ADAM20: variants seen among roughly 807,000 people sequenced by gnomAD.
The protein encoded by ADAM20 is disintegrin and metalloproteinase domain-containing protein 20.
For missense variants in ADAM20, 871 were observed against 883.2 expected, an observed-to-expected ratio of 0.99 and a Z score of 0.18; for synonymous variants, 305 against 310.2, an observed-to-expected ratio of 0.98 and a Z score of 0.18.
At chr14:70,537,513 C>T (rs540838531), upstream of ADAM20, among the ~76,000 whole-genome samples, 25 of 152,284 alleles carry the variant, frequency 1.6e-4, no homozygotes, top group African/African-American at 4.3e-4. Context: ...GGTCTGCTGT[C>T]CCAGTCCTTG....
the ADAM20 span, among the ~76,000 whole-genome samples, chr14:70,553,525 TAAAAAA>T: frequency 1.8e-5 from 1 of 56,982 alleles, no homozygotes; most frequent in African/African-American, 7.2e-5. Flanking sequence ...GCAAAAATCC[TAAAAAA>T]AAAAAAAAAA....
At chr14:70,568,767 A>G in the ADAM20 span, among the ~76,000 whole-genome samples, 16 of 152,308 alleles carry the variant, frequency 1.1e-4, no homozygotes, top group South Asian at 3.3e-3. Context: ...ACAAAGCAGA[A>G]GAAAGAATTT....
the ADAM20 span, among the ~76,000 whole-genome samples, chr14:70,554,525 GAC>G: frequency 2.6e-5 from 4 of 151,314 alleles, no homozygotes; most frequent in East Asian, 1.9e-4. Flanking sequence ...AATTGTGATA[GAC>G]ACACACACAC....
chr14:70,574,407 G>A, the ADAM20 span, among the ~76,000 whole-genome samples: 21 of 151,880 alleles, frequency 1.4e-4, no homozygotes, highest in African/African-American at 3.9e-4. Context: ...TTGGGAGGCC[G>A]AGGTGGGCAG....
the ADAM20 span, among the ~76,000 whole-genome samples, chr14:70,540,294 T>C: frequency 6.6e-6 from 1 of 152,210 alleles, no homozygotes; most frequent in Non-Finnish European, 1.5e-5. Flanking sequence ...TGTGGCTATA[T>C]ATGTGTTATG....
chr14:70,555,805 T>C, the ADAM20 span, among the ~76,000 whole-genome samples: 1 of 152,108 alleles, frequency 6.6e-6, no homozygotes, highest in Non-Finnish European at 1.5e-5. Flanking sequence ...CCCTCTTACT[T>C]CTCCCTTTCA....
chr14:70,573,132 T>G, the ADAM20 span, among the ~76,000 whole-genome samples: 1 of 152,176 alleles, frequency 6.6e-6, no homozygotes, highest in African/African-American at 2.4e-5. Flanking sequence ...TCATGTGCAC[T>G]TGTATGTTTA....
At chr14:70,545,329 C>T in the ADAM20 span, among the ~76,000 whole-genome samples, 7 of 152,262 alleles carry the variant, frequency 4.6e-5, no homozygotes, top group South Asian at 2.1e-4. Flanking sequence ...AGAGAATCTG[C>T]GCACTTGGGA....
intron 1 of ADAM20, among the ~76,000 whole-genome samples, chr14:70,532,256 AT>A (rs1241909483): frequency 6.6e-6 from 1 of 151,522 alleles, no homozygotes; most frequent in East Asian, 1.9e-4. Context: ...CATAAGCAGT[AT>A]TGGAAAAACT....
chr14:70,578,183 CA>C, the ADAM20 span, among the ~76,000 whole-genome samples: 5 of 151,508 alleles, frequency 3.3e-5, no homozygotes, highest in African/African-American at 1.2e-4. Flanking sequence ...TCAAAACCAC[CA>C]AAAAAAATCA....
chr14:70,564,768 C>A, the ADAM20 span, among the ~76,000 whole-genome samples: 1 of 125,736 alleles, frequency 8.0e-6, no homozygotes, highest in African/African-American at 3.1e-5. Context: ...TTTTTTTAGC[C>A]AGGCACAGTG....
At chr14:70,540,528 C>A in the ADAM20 span, among the ~76,000 whole-genome samples, 5 of 152,116 alleles carry the variant, frequency 3.3e-5, no homozygotes, top group African/African-American at 1.2e-4. Context: ...CTTATCTCTG[C>A]CAAATACTAT....
the ADAM20 span, among the ~76,000 whole-genome samples, chr14:70,553,970 C>A: frequency 1.1e-4 from 17 of 152,206 alleles, no homozygotes; most frequent in African/African-American, 3.6e-4. Context: ...AAAGGGCATC[C>A]AAACTGGAAA....
At chr14:70,559,289 A>C in the ADAM20 span, among the ~76,000 whole-genome samples, 15 of 150,136 alleles carry the variant, frequency 1.0e-4, no homozygotes, top group African/African-American at 3.7e-4. Flanking sequence ...AAAAAAAAAA[A>C]AGCTTACAGT....
the ADAM20 span, among the ~76,000 whole-genome samples, chr14:70,574,720 G>A: frequency 8.8e-4 from 133 of 151,954 alleles, no homozygotes; most frequent in African/African-American, 2.9e-3. Flanking sequence ...AGAGAAAAAC[G>A]AAGCCTGGTG....
the ADAM20 span, among the ~76,000 whole-genome samples, chr14:70,566,706 G>A: frequency 4.6e-5 from 7 of 152,180 alleles, no homozygotes; most frequent in Non-Finnish European, 5.9e-5. Context: ...GAGGCCGGGC[G>A]CGGTGGCTCA....
Position 70,523,434 on chromosome 14 carries a change from G to T in ADAM20, c.1324C>A (p.His442Asn), listed in dbSNP as rs769991681. The T allele has an allele frequency of 1.2e-6, 2 of 1,614,058 alleles. No homozygotes were observed. Among genetic ancestry groups the T allele is most frequent in the East Asian group, 4.5e-5 (2 of 44,884 alleles). ...DPCCLLNCTL[H>N]PGAACAFGIC... ...CCAAAAGCACAAGCAGCCCCAGGAT[G>T]TAGAGTACAGTTTAACAGACAACAG... Residue 442 changes from histidine to asparagine, a missense_variant, in exon 2 of 2, where the codon CAT becomes AAT. His to Asn is a moderately conservative substitution (Grantham distance 68). Transcript: ENST00000256389.
At position 70,524,522 on chromosome 14, in the gene ADAM20, T is replaced by G; in HGVS notation, c.236A>C (p.Asn79Thr). ...GQRYIVHMRVNKLLFAAHLPV... is the reference protein window; with the variant it reads ...GQRYIVHMRVTKLLFAAHLPV... ...AAGGTGTGCAGCAAACAACAGCTTA[T>G]TTACCCTCATGTGGACAATGTATCT... Residue 79 changes from asparagine (N) to threonine (T), a missense_variant, in exon 2 of 2, where the codon AAT (asparagine) becomes ACT (threonine). Coordinates refer to ENST00000256389, the MANE Select transcript of ADAM20 (RefSeq NM_003814.5). 1 of 1,613,974 alleles carries G rather than the reference T, an allele frequency of 6.2e-7. No individual in the cohort carries two copies. Among genetic ancestry groups the G allele is most frequent in the Non-Finnish European group, 8.5e-7 (1 of 1,179,932 alleles).
chr14:70,570,958 C>T, the ADAM20 span, among the ~76,000 whole-genome samples: 1 of 152,200 alleles, frequency 6.6e-6, no homozygotes, highest in Admixed American at 6.5e-5. Context: ...ATTCAATATA[C>T]ACAAATCAAT....
Sources: gnomAD v4.1 joint callset for allele counts (sites outside exome capture counted in the v4.1 genomes callset) on GRCh38, gnomAD v4.1.1 for gene constraint, MANE v1.5 for transcripts, NCBI Gene and HGNC (gene_info 2026-07-23, HGNC 2026-07-21) for gene names.